The following SLC38A12 variants were observed in gnomAD, a reference collection of about 807,000 sequenced individuals.
The protein encoded by SLC38A12 is putative sodium-coupled neutral amino acid transporter 12.
chr17:74,788,912 G>T, the SLC38A12 span: 5 of 1,578,842 alleles, frequency 3.2e-6, no homozygotes, highest in Non-Finnish European at 4.3e-6. Context: ...CCTCTGTTCC[G>T]TCAGGTACCC....
the SLC38A12 span, among the ~76,000 whole-genome samples, chr17:74,801,703 G>A: frequency 2.1e-4 from 32 of 152,170 alleles, no homozygotes; most frequent in African/African-American, 6.5e-4. Context: ...CAGCGACTGC[G>A]CTCAGGCTGA....
chr17:74,837,943 G>A, the SLC38A12 span: 1 of 985,568 alleles, frequency 1.0e-6, no homozygotes, highest in Non-Finnish European at 1.2e-6. Flanking sequence ...CCTCTCTGGG[G>A]TGGGTCTCAG....
chr17:74,803,291 G>T, the SLC38A12 span, among the ~76,000 whole-genome samples: 1 of 152,222 alleles, frequency 6.6e-6, no homozygotes, highest in East Asian at 1.9e-4. Flanking sequence ...CCCGGTTGAT[G>T]TTGCTGGAGA....
chr17:74,831,303 C>A, the SLC38A12 span, among the ~76,000 whole-genome samples: 1 of 152,350 alleles, frequency 6.6e-6, no homozygotes, highest in South Asian at 2.1e-4. Context: ...GGACAGGACC[C>A]CTGTCTCAGT....
At chr17:74,838,721 C>CT in the SLC38A12 span, 1 of 1,442,720 alleles carries the variant, frequency 6.9e-7, no homozygotes. Context: ...CGATGCCAGG[C>CT]TTCTGCCGCT....
chr17:74,791,011 A>C, the SLC38A12 span: 1 of 1,613,996 alleles, frequency 6.2e-7, no homozygotes, highest in Non-Finnish European at 8.5e-7. Flanking sequence ...AAATGGGACA[A>C]ATGGCCTCCA....
At chr17:74,806,526 G>A in the SLC38A12 span, among the ~76,000 whole-genome samples, 1 of 152,162 alleles carries the variant, frequency 6.6e-6, no homozygotes, top group African/African-American at 2.4e-5. Context: ...TTTGGTCCTT[G>A]GATCTGTTAA....
the SLC38A12 span, chr17:74,790,929 C>T: frequency 6.2e-7 from 1 of 1,610,408 alleles, no homozygotes; most frequent in East Asian, 2.2e-5. Flanking sequence ...GAACCACTTC[C>T]TCTTCCTTGT....
the SLC38A12 span, chr17:74,836,883 G>A: frequency 2.8e-5 from 38 of 1,378,398 alleles, no homozygotes; most frequent in African/African-American, 7.3e-5. This position sits in a 1 kb window ranked among gnomAD's most constrained non-coding sequence, Gnocchi z 4.2. Flanking sequence ...TCACTCCCCC[G>A]GGCAGCTCTC....
the SLC38A12 span, among the ~76,000 whole-genome samples, chr17:74,799,394 C>T: frequency 6.6e-6 from 1 of 152,246 alleles, no homozygotes; most frequent in African/African-American, 2.4e-5. Context: ...TCGTGGGCTG[C>T]CCTGGGACAG....
At chr17:74,789,002 TC>T in the SLC38A12 span, 1 of 717,576 alleles carries the variant, frequency 1.4e-6, no homozygotes, top group Non-Finnish European at 2.2e-6. Flanking sequence ...TGGACCCCAG[TC>T]CCAGAGCTGA....
the SLC38A12 span, among the ~76,000 whole-genome samples, chr17:74,790,704 G>A: frequency 2.0e-5 from 3 of 151,460 alleles, 1 homozygote; most frequent in South Asian, 6.3e-4. Flanking sequence ...TCTCCTCCCT[G>A]GTCGGCTGGG....
the SLC38A12 span, chr17:74,785,618 G>A: frequency 9.3e-6 from 15 of 1,611,558 alleles, no homozygotes; most frequent in South Asian, 1.4e-4. Flanking sequence ...GAGGCAGCGG[G>A]GACTTCCCCA....
the SLC38A12 span, among the ~76,000 whole-genome samples, chr17:74,787,603 T>G: frequency 2.2e-5 from 3 of 138,616 alleles, no homozygotes; most frequent in Admixed American, 1.5e-4. Flanking sequence ...CAGTCCGGCC[T>G]GGGCGACAGA....
chr17:74,835,803 G>A, the SLC38A12 span: 8 of 1,489,806 alleles, frequency 5.4e-6, no homozygotes, highest in Non-Finnish European at 7.1e-6. Context: ...AGGGCTGCAT[G>A]AACATGCATT....
the SLC38A12 span, chr17:74,819,711 G>A: frequency 1.9e-6 from 3 of 1,587,236 alleles, no homozygotes; most frequent in Admixed American, 3.3e-5. Context: ...GTCTGCTGGT[G>A]CGGCCTGCAC....
the SLC38A12 span, among the ~76,000 whole-genome samples, chr17:74,777,042 GGCACAGAGCAGTGCCCT>G: frequency 6.6e-6 from 1 of 151,832 alleles, no homozygotes; most frequent in Non-Finnish European, 1.5e-5. Context: ...ATCCGTGCTG[GGCACAGAGCAGTGCCCT>G]GCACAGCAAG....
At chr17:74,834,727 C>T in the SLC38A12 span, among the ~76,000 whole-genome samples, 1 of 152,226 alleles carries the variant, frequency 6.6e-6, no homozygotes, top group Admixed American at 6.5e-5. Context: ...CTGTGCTGCT[C>T]ACCAGGAAAT....
chr17:74,793,010 T>C, the SLC38A12 span, among the ~76,000 whole-genome samples: 6 of 152,368 alleles, frequency 3.9e-5, no homozygotes. Context: ...TTTCTCATTT[T>C]CATGTTGTGC....
Sources: allele counts gnomAD v4.1 joint callset (sites outside exome capture counted in the v4.1 genomes callset), GRCh38; gene constraint gnomAD v4.1.1; non-coding constraint Gnocchi (gnomAD v3.1); transcripts MANE v1.5; gene names NCBI Gene and HGNC (gene_info 2026-07-23, HGNC 2026-07-21).